The following STK33 variants were observed in gnomAD, a reference collection of about 807,000 sequenced individuals.
The protein encoded by STK33 is serine/threonine kinase 33, also known as serine/threonine-protein kinase 33.
A neutral mutation model predicts 58.0 loss-of-function variants in STK33; 52 were observed. The observed-to-expected ratio is 0.90, with a 90% CI of 0.72 to 1.13. The LOEUF (loss-of-function observed/expected upper bound fraction) is 1.13, where lower values mean the gene tolerates loss of function less well. STK33 is among the 50% of genes most tolerant of loss of function. STK33 has a pLI of 0.00. For synonymous variants in STK33, 215 were observed against 200.1 expected (o/e 1.07, Z -0.63); for missense variants, 630 against 604.2 (o/e 1.04, Z -0.45).
At chr11:8,383,817 C>T in the STK33 span, among the ~76,000 whole-genome samples, 1 of 152,196 alleles carries the variant, frequency 6.6e-6, no homozygotes, top group Non-Finnish European at 1.5e-5. Flanking sequence ...CAAGATGGTG[C>T]CTTGATACCA....
the STK33 span, among the ~76,000 whole-genome samples, chr11:8,373,675 C>G: frequency 7.2e-4 from 109 of 152,260 alleles, no homozygotes; most frequent in Non-Finnish European, 1.2e-3. Flanking sequence ...CGTGATGGAC[C>G]CAGCTATAAG....
chr11:8,479,052 T>C (rs2138105451), intron 2 of STK33, among the ~76,000 whole-genome samples: 1 of 152,350 alleles, frequency 6.6e-6, no homozygotes, highest in Non-Finnish European at 1.5e-5. Flanking sequence ...ATTTGCATGA[T>C]GTTCCTCACT....
chr11:8,345,660 G>A, the STK33 span, among the ~76,000 whole-genome samples: 6 of 152,194 alleles, frequency 3.9e-5, no homozygotes, highest in African/African-American at 1.2e-4. Flanking sequence ...GAGTCAGGGA[G>A]AGCCTTGAGG....
chr11:8,396,730 A>C (rs1849412571), intron 15 of STK33, among the ~76,000 whole-genome samples: 1 of 152,242 alleles, frequency 6.6e-6, no homozygotes, highest in Non-Finnish European at 1.5e-5. Context: ...AAGGGGTGAC[A>C]GATGGCACTT....
intron 1 of STK33, among the ~76,000 whole-genome samples, chr11:8,526,229 T>C (rs1954009424): frequency 6.6e-6 from 1 of 151,858 alleles, no homozygotes; most frequent in African/African-American, 2.4e-5. Flanking sequence ...AAACCCCGTC[T>C]CTAAAAATAC....
intron 1 of STK33, among the ~76,000 whole-genome samples, chr11:8,485,712 T>C (rs1287316984): frequency 6.6e-6 from 1 of 152,190 alleles, no homozygotes; most frequent in Non-Finnish European, 1.5e-5. Flanking sequence ...ACTCAGTCAT[T>C]GGCTGTATAG....
the STK33 span, among the ~76,000 whole-genome samples, chr11:8,378,131 G>C: frequency 6.6e-6 from 1 of 152,326 alleles, no homozygotes; most frequent in East Asian, 1.9e-4. Flanking sequence ...GGCTAGGGAG[G>C]CCTCAGTAAA....
chr11:8,542,871 A>G (rs964740753), intron 1 of STK33, among the ~76,000 whole-genome samples: 2 of 151,956 alleles, frequency 1.3e-5, no homozygotes, highest in Non-Finnish European at 2.9e-5. Flanking sequence ...CACCACACCC[A>G]GCTAATTATT....
At chr11:8,419,816 ATG>A (rs1356317516) in intron 14 of STK33, among the ~76,000 whole-genome samples, 1 of 152,188 alleles carries the variant, frequency 6.6e-6, no homozygotes, top group Non-Finnish European at 1.5e-5. Flanking sequence ...CTACATAAAA[ATG>A]TATGGAATGT....
chr11:8,439,216 G>C (rs1002748985), intron 12 of STK33, among the ~76,000 whole-genome samples: 2 of 152,122 alleles, frequency 1.3e-5, no homozygotes, highest in African/African-American at 4.8e-5. Context: ...AGCACTGAAT[G>C]TATGTCTATT....
chr11:8,529,240 T>C (rs894397074), intron 1 of STK33, among the ~76,000 whole-genome samples: 4 of 152,218 alleles, frequency 2.6e-5, no homozygotes, highest in African/African-American at 7.2e-5. Context: ...CCTGAAAACA[T>C]AATTGCTGAT....
intron 8 of STK33, among the ~76,000 whole-genome samples, chr11:8,461,159 T>C (rs1591259820): frequency 6.6e-6 from 1 of 152,328 alleles, no homozygotes; most frequent in East Asian, 1.9e-4. Flanking sequence ...AGGATTCAAA[T>C]GCACAGGCAA....
At chr11:8,589,023 T>A (rs10769919) in intron 1 of STK33, among the ~76,000 whole-genome samples, 91,505 of 152,080 alleles carry the variant, frequency 0.6, 27,811 homozygotes, top group African/African-American at 0.65. Context: ...TAACAAGTTC[T>A]AGTGAAGCTA....
intron 15 of STK33, among the ~76,000 whole-genome samples, chr11:8,395,909 C>A (rs1331705977): frequency 1.3e-5 from 2 of 152,142 alleles, no homozygotes; most frequent in African/African-American, 4.8e-5. Context: ...TATAATCTTA[C>A]CAGTAGCATA....
At chr11:8,479,703 C>CG (rs1949632490) in intron 2 of STK33, among the ~76,000 whole-genome samples, 2 of 151,792 alleles carry the variant, frequency 1.3e-5, no homozygotes, top group Non-Finnish European at 2.9e-5. Flanking sequence ...ATTAGCCAGT[C>CG]GTGGTGGTGT....
intron 1 of STK33, among the ~76,000 whole-genome samples, chr11:8,538,092 T>C (rs947488567): frequency 2.0e-5 from 3 of 151,502 alleles, no homozygotes; most frequent in African/African-American, 7.3e-5. Context: ...GAGGCTGAGC[T>C]AGGAGGATGG....
rs2137016961 is a variant in STK33 at position 8,454,735 on chromosome 11, T to C, written c.786+9A>G. 1 of 1,565,038 alleles carries C rather than the reference T, an allele frequency of 6.4e-7. No homozygotes were observed. Among genetic ancestry groups the C allele is most frequent in the Non-Finnish European group, 8.7e-7 (1 of 1,154,654 alleles). Reference sequence around the variant, plus strand: ...ACAGGCAAATATTTACCACCATTGCTAATCTTACCTTTATGTTTAAGTTTA... The same window carrying C: ...ACAGGCAAATATTTACCACCATTGCCAATCTTACCTTTATGTTTAAGTTTA... On this transcript the variant is annotated intron_variant, in intron 10 of 15. Transcript: ENST00000687296.
rs373527024 is a variant in STK33 at position 8,399,038 on chromosome 11, G to A, written c.1345-6328C>T. Among the ~76,000 whole-genome samples the A allele has an allele frequency of 2.3e-4, 35 of 152,242 alleles. No individual in the cohort carries two copies. The East Asian group carries it at 2.9e-3, about 13-fold the overall frequency. ...TAATGGGAGACTTTAACACCCCACT[G>A]TCAACATTAGACAGATCAACGAGAC... On this transcript the variant is annotated intron_variant, in intron 15 of 15. Coordinates refer to ENST00000687296, the MANE Select transcript of STK33 (RefSeq NM_001352389.2).
intron 14 of STK33, among the ~76,000 whole-genome samples, chr11:8,423,051 A>G (rs182998357): frequency 1.3e-5 from 2 of 150,332 alleles, no homozygotes; most frequent in East Asian, 3.9e-4. Flanking sequence ...TATGTTGTCC[A>G]GGCTTGTCTC....
Sources: gnomAD v4.1 joint callset for allele counts (sites outside exome capture counted in the v4.1 genomes callset) on GRCh38, gnomAD v4.1.1 for gene constraint, MANE v1.5 for transcripts, NCBI Gene and HGNC (gene_info 2026-07-23, HGNC 2026-07-21) for gene names.